EBF1: variants seen among roughly 807,000 people sequenced by gnomAD.
EBF1 encodes the protein EBF transcription factor 1.
A neutral mutation model predicts 68.4 loss-of-function variants in EBF1; 10 were observed. That is an observed-to-expected ratio of 0.15 (90% CI 0.09 to 0.25). The LOEUF is 0.25. Ranked by LOEUF, EBF1 falls within the 10% of genes least tolerant of loss-of-function variation. EBF1 has a pLI of 1.00. For synonymous variants in EBF1, 298 were observed against 299.8 expected (o/e 0.99, Z 0.06); for missense variants, 509 against 794.4 (o/e 0.64, Z 4.32).
chr5:159,047,038 G>A (rs947899545), intron 6 of EBF1, among the ~76,000 whole-genome samples: 6 of 152,166 alleles, frequency 3.9e-5, no homozygotes, highest in East Asian at 3.8e-4. Flanking sequence ...ACTGCGTACC[G>A]AGTGTCTGGC....
rs764236561 is a variant in EBF1 at position 158,757,365 on chromosome 5, C to G, written c.1036+20048G>C. On this transcript the variant is annotated intron_variant, in intron 10 of 15. Coordinates refer to ENST00000313708, the MANE Select transcript of EBF1 (RefSeq NM_024007.5). ...CTGCATCAAGTCAGACTTTAACTGT[C>G]TCTCATTACAAGAGTCACTGAGGAA... 5.5e-4 allele frequency among the ~76,000 whole-genome samples: 84 copies of G among 152,140 alleles called. 4 individuals carry two copies. The highest frequency in any genetic ancestry group is 1.3e-4 in the Non-Finnish European group (9 of 68,022).
At chr5:159,027,140 T>C (rs1296861917) in intron 6 of EBF1, among the ~76,000 whole-genome samples, 1 of 152,172 alleles carries the variant, frequency 6.6e-6, no homozygotes, top group African/African-American at 2.4e-5. Flanking sequence ...AGTGCCACTA[T>C]GTAGCCTGAT....
In EBF1 at chr5:158,754,765, A is replaced by G. The variant is rs572192626; in HGVS notation, c.1036+22648T>C. 2.6e-5 allele frequency among the ~76,000 whole-genome samples: 4 copies of G among 152,222 alleles called. No homozygotes were observed. The South Asian group carries it at 8.3e-4, about 32-fold the overall frequency. ...CATCCTGACCTGACAAAGACCCCCA[A>G]ATATTTGACTCATTGTAATAAGCAC... is the stretch of plus-strand genomic sequence containing the variant. On this transcript the variant is annotated intron_variant, in intron 10 of 15. Transcript: ENST00000313708.
intron 7 of EBF1, among the ~76,000 whole-genome samples, chr5:158,827,791 C>T (rs1786520698): frequency 6.6e-6 from 1 of 152,174 alleles, no homozygotes; most frequent in Non-Finnish European, 1.5e-5. Flanking sequence ...ATGACAAAAG[C>T]AACCCAACAT....
chr5:158,917,341 C>T (rs1201314899), intron 6 of EBF1, among the ~76,000 whole-genome samples: 1 of 152,228 alleles, frequency 6.6e-6, no homozygotes, highest in Non-Finnish European at 1.5e-5. Flanking sequence ...GTCCTCCTTA[C>T]TCCTTTCATT....
chr5:159,032,409 C>G (rs1047275199), intron 6 of EBF1, among the ~76,000 whole-genome samples: 1 of 152,194 alleles, frequency 6.6e-6, no homozygotes, highest in East Asian at 1.9e-4. Context: ...TTTCCCTCAC[C>G]CATTCAAAAT....
intron 6 of EBF1, among the ~76,000 whole-genome samples, chr5:159,026,832 C>G (rs1767796191): frequency 6.6e-6 from 1 of 152,154 alleles, no homozygotes; most frequent in African/African-American, 2.4e-5. Context: ...CTTCCTTTTT[C>G]TGCTCCTTGC....
intron 6 of EBF1, among the ~76,000 whole-genome samples, chr5:159,032,968 C>T (rs556808131): frequency 4.1e-4 from 63 of 152,280 alleles, no homozygotes; most frequent in African/African-American, 1.5e-3. Context: ...TATTCTGTCT[C>T]TCTTTCCCTC....
rs556018606 is a variant in EBF1, at chr5:158,777,030, G to A, written c.1036+383C>T. On this transcript the variant is annotated intron_variant, in intron 10 of 15. Coordinates refer to ENST00000313708, the MANE Select transcript of EBF1 (RefSeq NM_024007.5). ...ACCAATTGTATGTAATACAAGTGCC[G>A]TGAACAGGCTAGAGGAAAGACGTAC... 9.2e-5 allele frequency among the ~76,000 whole-genome samples: 14 copies of A among 152,262 alleles called. No individual in the cohort carries two copies. In the East Asian group the frequency reaches 1.5e-3, roughly 17 times the overall value.
chr5:158,750,346 T>C (rs1768537499), intron 10 of EBF1, among the ~76,000 whole-genome samples: 1 of 152,140 alleles, frequency 6.6e-6, no homozygotes, highest in Non-Finnish European at 1.5e-5. Context: ...TAGCATGGGT[T>C]CAAACAAATG....
chr5:158,784,786 T>C (rs926743762), intron 9 of EBF1, among the ~76,000 whole-genome samples: 35 of 152,176 alleles, frequency 2.3e-4, no homozygotes, highest in African/African-American at 8.4e-4. Context: ...TGAGCATTTG[T>C]GGCTAGAAAA....
intron 6 of EBF1, among the ~76,000 whole-genome samples, chr5:158,908,268 A>G (rs1250154970): frequency 6.6e-6 from 1 of 152,230 alleles, no homozygotes; most frequent in Non-Finnish European, 1.5e-5. Flanking sequence ...TGCACAAACT[A>G]AATATCTTTG....
intron 1 of EBF1, chr5:159,097,440 C>T: frequency 5.4e-6 from 2 of 373,306 alleles, no homozygotes; most frequent in South Asian, 1.0e-4. Flanking sequence ...CTGACACGCA[C>T]TGCGTGGGGA....
chr5:158,815,768 T>C (rs1233320127), intron 8 of EBF1, among the ~76,000 whole-genome samples: 1 of 152,224 alleles, frequency 6.6e-6, no homozygotes, highest in Non-Finnish European at 1.5e-5. Flanking sequence ...ACCTGCTTTA[T>C]GAATTACTCA....
chr5:158,882,278 A>G (rs1430564477), intron 6 of EBF1, among the ~76,000 whole-genome samples: 1 of 152,238 alleles, frequency 6.6e-6, no homozygotes, highest in African/African-American at 2.4e-5. Flanking sequence ...AAGAGCAAGA[A>G]ATGTTCATTT....
intron 6 of EBF1, among the ~76,000 whole-genome samples, chr5:158,886,932 G>A (rs1211696291): frequency 6.6e-6 from 1 of 152,142 alleles, no homozygotes; most frequent in Non-Finnish European, 1.5e-5. Context: ...AACCCAGGAG[G>A]TGGAGGTTGC....
intron 6 of EBF1, chr5:158,986,358 T>C (rs1397399185): frequency 6.6e-6 from 1 of 152,128 alleles, no homozygotes; most frequent in Admixed American, 6.6e-5. Context: ...GTCACTTCTA[T>C]CTCCTCCCCT....
chr5:158,881,131 A>G (rs544369730), intron 6 of EBF1, among the ~76,000 whole-genome samples: 28 of 152,362 alleles, frequency 1.8e-4, no homozygotes, highest in African/African-American at 6.7e-4. Flanking sequence ...ATTATTTTAC[A>G]TTAGAAACAC....
At position 158,928,397 on chromosome 5, in the gene EBF1, A is replaced by G. The variant is rs73816840; in HGVS notation, c.555-88287T>C. Among the ~76,000 whole-genome samples, 865 of 152,332 alleles carry G rather than the reference A, an allele frequency of 5.7e-3. 10 individuals carry two copies. The highest frequency in any genetic ancestry group is 0.02 in the African/African-American group (820 of 41,578). ...AGGAGCCCTGTTACTTATCACATTC[A>G]GCTTTAAAAAGCACCCCTCTGCCCA... On this transcript the variant is annotated intron_variant, in intron 6 of 15. Coordinates refer to ENST00000313708, the MANE Select transcript of EBF1 (RefSeq NM_024007.5).
Sources: gnomAD v4.1 joint callset for allele counts (sites outside exome capture counted in the v4.1 genomes callset) on GRCh38, gnomAD v4.1.1 for gene constraint, MANE v1.5 for transcripts, NCBI Gene and HGNC (gene_info 2026-07-23, HGNC 2026-07-21) for gene names.